The following MYO5B variants were observed in gnomAD, a reference collection of about 807,000 sequenced individuals.
The protein encoded by MYO5B is unconventional myosin-Vb.
A neutral mutation model predicts 229.3 loss-of-function variants in MYO5B; 143 were observed. The ratio of observed to expected loss-of-function variants is 0.62; its 90% CI spans 0.54 to 0.72. MYO5B has a LOEUF of 0.72. Ranked by LOEUF, MYO5B falls within the 30% of genes least tolerant of loss-of-function variation. The pLI is 0.00. For synonymous variants in MYO5B, 918 were observed against 885.2 expected, an observed-to-expected ratio of 1.04 and a Z score of -0.66; for missense variants, 2,321 against 2,331.0, an observed-to-expected ratio of 1.00 and a Z score of 0.09.
intron 14 of MYO5B, among the ~76,000 whole-genome samples, chr18:49,941,876 C>T (rs1360383641): frequency 7.0e-6 from 1 of 141,920 alleles, no homozygotes; most frequent in Non-Finnish European, 1.5e-5. Flanking sequence ...CCAAGTCAAT[C>T]CTAAGCCAAA....
At chr18:49,979,105 TTCC>T (rs1198750959) in intron 9 of MYO5B, among the ~76,000 whole-genome samples, 28 of 152,008 alleles carry the variant, frequency 1.8e-4, no homozygotes, top group Non-Finnish European at 1.8e-4. Context: ...GCACTGGAGG[TTCC>T]TCCACCACCC....
At position 49,906,460 on chromosome 18, in the gene MYO5B, G is replaced by A. The variant is rs757221770; in HGVS notation, c.2373C>T (p.Thr791=). The A allele has an allele frequency of 1.2e-6, 2 of 1,614,048 alleles. No homozygotes were observed. Among genetic ancestry groups the A allele is most frequent in the African/African-American group, 2.7e-5 (2 of 74,928 alleles). The change falls in exon 19 of 40, where the codon ACC becomes ACT. Residue 791 remains threonine, a synonymous_variant. Coordinates refer to ENST00000285039, the MANE Select transcript of MYO5B (RefSeq NM_001080467.3). ...CCCGGCAGTACCTCTGCAGGGTTAA[G>A]GTAGCCCCCTTCAGCCTGTGATATT... ...KVKYHRLKGA[T]LTLQRYCRGH...
At chr18:50,023,524 G>C (rs1005426089) in intron 4 of MYO5B, among the ~76,000 whole-genome samples, 1 of 152,190 alleles carries the variant, frequency 6.6e-6, no homozygotes, top group Non-Finnish European at 1.5e-5. Context: ...CTCTTCTCTG[G>C]CCAGTTGAGT....
At chr18:50,032,757 G>A (rs1282061268) in intron 4 of MYO5B, among the ~76,000 whole-genome samples, 3 of 152,192 alleles carry the variant, frequency 2.0e-5, no homozygotes, top group African/African-American at 4.8e-5. Flanking sequence ...AGGCCAAGGC[G>A]GGTGGATCAC....
chr18:49,908,496 G>C (rs553970743), intron 18 of MYO5B, among the ~76,000 whole-genome samples: 1 of 152,298 alleles, frequency 6.6e-6, no homozygotes, highest in Non-Finnish European at 1.5e-5. Context: ...AAGGTGACTT[G>C]AGCAAATATC....
intron 17 of MYO5B, among the ~76,000 whole-genome samples, chr18:49,915,102 T>C (rs999378965): frequency 6.6e-6 from 1 of 152,278 alleles, no homozygotes; most frequent in Admixed American, 6.5e-5. Context: ...GGGGTGAGTA[T>C]AAGAGCAAAT....
intron 7 of MYO5B, among the ~76,000 whole-genome samples, chr18:49,986,620 T>C (rs940889959): frequency 1.3e-5 from 2 of 152,232 alleles, no homozygotes; most frequent in African/African-American, 4.8e-5. Flanking sequence ...CAGATCTTTG[T>C]AGAAGACAGC....
intron 1 of MYO5B, among the ~76,000 whole-genome samples, chr18:50,162,657 A>G (rs1413810866): frequency 6.6e-6 from 1 of 152,166 alleles, no homozygotes; most frequent in African/African-American, 2.4e-5. Flanking sequence ...ATTATCCACT[A>G]ATGCACATTT....
At chr18:50,076,983 AG>A (rs1303505653) in intron 1 of MYO5B, among the ~76,000 whole-genome samples, 1 of 152,048 alleles carries the variant, frequency 6.6e-6, no homozygotes, top group Non-Finnish European at 1.5e-5. Flanking sequence ...TTTCCTCATT[AG>A]AAATATTTTT....
chr18:50,162,638 C>T (rs2032784468), intron 1 of MYO5B, among the ~76,000 whole-genome samples: 1 of 152,216 alleles, frequency 6.6e-6, no homozygotes, highest in Admixed American at 6.5e-5. Flanking sequence ...GAGCCCTCGA[C>T]CACATCACAT....
At chr18:49,986,687 A>G (rs2025874117) in intron 7 of MYO5B, among the ~76,000 whole-genome samples, 1 of 152,222 alleles carries the variant, frequency 6.6e-6, no homozygotes, top group Non-Finnish European at 1.5e-5. Context: ...GCAATACAAC[A>G]GTTTCAAAGG....
chr18:50,143,226 T>C (rs2032444796), intron 1 of MYO5B, among the ~76,000 whole-genome samples: 1 of 151,982 alleles, frequency 6.6e-6, no homozygotes, highest in South Asian at 2.1e-4. Flanking sequence ...TAGTAAGGGG[T>C]CTGTTACAAG....
intron 17 of MYO5B, among the ~76,000 whole-genome samples, chr18:49,913,809 G>A (rs1474438682): frequency 6.6e-6 from 1 of 151,988 alleles, no homozygotes; most frequent in Admixed American, 6.5e-5. Flanking sequence ...AGGCAGACAA[G>A]GAGACAAAGA....
At chr18:49,999,715 C>G (rs1273123104) in intron 5 of MYO5B, among the ~76,000 whole-genome samples, 2 of 152,168 alleles carry the variant, frequency 1.3e-5, no homozygotes, top group East Asian at 3.8e-4. Context: ...CAGTGGTTCT[C>G]CAAGTGTGGT....
At chr18:49,920,417 A>C (rs1055058693) in intron 17 of MYO5B, among the ~76,000 whole-genome samples, 1 of 152,146 alleles carries the variant, frequency 6.6e-6, no homozygotes, top group Non-Finnish European at 1.5e-5. Flanking sequence ...TCCAGTGCAA[A>C]GGTTGTCACA....
At chr18:49,913,550 G>A (rs1267575665) in intron 17 of MYO5B, among the ~76,000 whole-genome samples, 1 of 151,996 alleles carries the variant, frequency 6.6e-6, no homozygotes, top group Non-Finnish European at 1.5e-5. Flanking sequence ...CATCTTCCGA[G>A]GCATGTGCTG....
chr18:50,016,294 C>G (rs1284575530), intron 4 of MYO5B, among the ~76,000 whole-genome samples: 3 of 152,130 alleles, frequency 2.0e-5, no homozygotes, highest in Non-Finnish European at 2.9e-5. Flanking sequence ...CTGTGTGAAC[C>G]CAATTCCTAA....
At chr18:49,852,129 C>G (rs540445156) in intron 31 of MYO5B, among the ~76,000 whole-genome samples, 1 of 152,216 alleles carries the variant, frequency 6.6e-6, no homozygotes, top group African/African-American at 2.4e-5. Context: ...GACTGACTAC[C>G]CACCTCTTTC....
intron 17 of MYO5B, among the ~76,000 whole-genome samples, chr18:49,926,740 C>A (rs2025132388): frequency 6.6e-6 from 1 of 152,202 alleles, no homozygotes; most frequent in Non-Finnish European, 1.5e-5. Flanking sequence ...TATTTTCCCA[C>A]CACAGATTTC....
Sources: allele counts gnomAD v4.1 joint callset (sites outside exome capture counted in the v4.1 genomes callset), GRCh38; gene constraint gnomAD v4.1.1; transcripts MANE v1.5; gene names NCBI Gene and HGNC (gene_info 2026-07-23, HGNC 2026-07-21).